The following ZMIZ1 variants were observed in gnomAD, a reference collection of about 807,000 sequenced individuals.
ZMIZ1 encodes zinc finger MIZ-type containing 1, also known as zinc finger MIZ domain-containing protein 1.
A neutral mutation model predicts 113.9 loss-of-function variants in ZMIZ1; 17 were observed. The ratio of observed to expected loss-of-function variants is 0.15; its 90% CI spans 0.10 to 0.22. The LOEUF (loss-of-function observed/expected upper bound fraction) is 0.22. Ranked by LOEUF, ZMIZ1 falls within the 10% of genes least tolerant of loss-of-function variation. The probability of loss-of-function intolerance (pLI) is 1.00; values close to 1 mark genes in which losing one functional copy is unlikely to be tolerated. For synonymous variants in ZMIZ1, 607 were observed against 603.1 expected, an observed-to-expected ratio of 1.01 and a Z score of -0.09; for missense variants, 1,059 against 1,477.8, an observed-to-expected ratio of 0.72 and a Z score of 4.65.
rs1481954614 is a variant in ZMIZ1, at chr10:79,145,175, C to T, written c.-131+5398C>T. On this transcript the variant is annotated intron_variant, in intron 3 of 24. Transcript: ENST00000334512. ...GTATCTTCCTTTCTTCTCTCTATTC[C>T]GCTCATGGCCTTGCCTCTCACTCTT... Among the ~76,000 whole-genome samples the T allele has an allele frequency of 2.0e-5, 3 of 151,954 alleles. No individual in the cohort carries two copies. In the East Asian group the frequency reaches 5.8e-4, roughly 29 times the overall value.
intron 24 of ZMIZ1, 135 bp downstream of exon 24, chr10:79,311,319 A>G (rs1370683241): frequency 3.7e-6 from 4 of 1,070,700 alleles, no homozygotes; most frequent in Non-Finnish European, 5.1e-6. Context: ...CTTCACCCAG[A>G]CCTGGCTCCA....
intron 1 of ZMIZ1, among the ~76,000 whole-genome samples, chr10:79,075,772 A>T (rs894508320): frequency 6.6e-6 from 1 of 152,242 alleles, no homozygotes; most frequent in Non-Finnish European, 1.5e-5. Context: ...GATTCAATGC[A>T]GATCAGGAAA....
chr10:79,221,640 C>T (rs148752377), intron 7 of ZMIZ1, among the ~76,000 whole-genome samples: 99 of 152,270 alleles, frequency 6.5e-4, no homozygotes, highest in African/African-American at 2.3e-3. Context: ...CTGCTGGCAA[C>T]GTGGGCACCA....
intron 3 of ZMIZ1, among the ~76,000 whole-genome samples, chr10:79,148,647 G>T (rs1845588641): frequency 8.2e-6 from 1 of 122,618 alleles, no homozygotes; most frequent in African/African-American, 3.6e-5. Flanking sequence ...CTGGGCCGGG[G>T]TTTTTAATAA....
chr10:79,093,293 ATTTAT>A (rs1322506688), intron 1 of ZMIZ1, among the ~76,000 whole-genome samples: 12 of 3,886 alleles, frequency 3.1e-3, no homozygotes, highest in Non-Finnish European at 7.9e-3. Flanking sequence ...GTTTTATTTT[ATTTAT>A]TTATTTATTT....
intron 5 of ZMIZ1, among the ~76,000 whole-genome samples, chr10:79,202,855 C>T (rs929132622): frequency 1.3e-5 from 2 of 152,222 alleles, no homozygotes; most frequent in Non-Finnish European, 2.9e-5. Flanking sequence ...ACGCCTTGGA[C>T]CCAAGTGCTC....
At chr10:79,178,463 C>A (rs1200402709) in intron 4 of ZMIZ1, among the ~76,000 whole-genome samples, 1 of 152,236 alleles carries the variant, frequency 6.6e-6, no homozygotes, top group African/African-American at 2.4e-5. Flanking sequence ...ATCCAGCTCT[C>A]CTCCTCCCTG....
At chr10:79,193,306 A>C (rs777540935) in intron 4 of ZMIZ1, among the ~76,000 whole-genome samples, 26 of 152,248 alleles carry the variant, frequency 1.7e-4, no homozygotes, top group Non-Finnish European at 3.2e-4. Flanking sequence ...TGAACTCATC[A>C]GTCCAAAAAC....
intron 2 of ZMIZ1, among the ~76,000 whole-genome samples, chr10:79,123,395 G>A (rs1176998326): frequency 1.3e-5 from 2 of 152,176 alleles, no homozygotes; most frequent in Non-Finnish European, 2.9e-5. Flanking sequence ...CTAGTTGGGA[G>A]GGATTCAACG....
chr10:79,113,059 T>C (rs1176341344), intron 1 of ZMIZ1, among the ~76,000 whole-genome samples: 1 of 152,220 alleles, frequency 6.6e-6, no homozygotes, highest in African/African-American at 2.4e-5. Context: ...CATGCAGAGC[T>C]TGCCCTGTGT....
intron 3 of ZMIZ1, among the ~76,000 whole-genome samples, chr10:79,148,232 C>T (rs529925897): frequency 2.8e-4 from 42 of 152,346 alleles, no homozygotes; most frequent in African/African-American, 7.9e-4. Context: ...TGATCACGGC[C>T]GAACTGGAAT....
At chr10:79,117,270 C>A (rs1385154373) in intron 1 of ZMIZ1, among the ~76,000 whole-genome samples, 1 of 152,280 alleles carries the variant, frequency 6.6e-6, no homozygotes, top group African/African-American at 2.4e-5. Context: ...AGGTGGAGAA[C>A]AGACTCCGCC....
intron 7 of ZMIZ1, among the ~76,000 whole-genome samples, chr10:79,239,344 T>C (rs895644587): frequency 2.6e-5 from 4 of 152,182 alleles, no homozygotes; most frequent in African/African-American, 9.6e-5. Flanking sequence ...CACTCCCACG[T>C]GTCCTGAGAA....
intron 1 of ZMIZ1, among the ~76,000 whole-genome samples, chr10:79,108,596 T>A (rs1402031597): frequency 1.3e-5 from 2 of 151,886 alleles, no homozygotes; most frequent in Non-Finnish European, 2.9e-5. Context: ...GGGGGCCTGA[T>A]TGGGGTAAGG....
Position 79,296,805 on chromosome 10 carries a change from C to A in ZMIZ1, c.1413+152C>A. ...TCTGAACGTCCCCATGTGTTCAGGGCGAAGTTCGGTGGCCAGAATGTCAGA... is the reference window on the plus strand; with the variant it reads ...TCTGAACGTCCCCATGTGTTCAGGGAGAAGTTCGGTGGCCAGAATGTCAGA... On this transcript the variant is annotated intron_variant, in intron 13 of 24. Coordinates refer to ENST00000334512, the MANE Select transcript of ZMIZ1 (RefSeq NM_020338.4). The surrounding 1 kb of genome is among the most constrained non-coding windows in gnomAD (Gnocchi z 4.1). The A allele has an allele frequency of 1.6e-6, 1 of 627,132 alleles. No individual in the cohort carries two copies. Among genetic ancestry groups the A allele is most frequent in the Non-Finnish European group, 2.5e-6 (1 of 407,980 alleles). The allele number at this position is 627,132 out of a possible 1,614,324, so 38.8% of individuals were successfully genotyped here.
In ZMIZ1 at chr10:79,243,609, C is replaced by T. The variant is rs532050381; in HGVS notation, c.280+27335C>T. The T allele has an allele frequency of 5.3e-3, 829 of 157,690 alleles. 12 individuals are homozygous for T. Among genetic ancestry groups the T allele is most frequent in the South Asian group, 0.021 (163 of 7,876 alleles). The allele number at this position is 157,690 out of a possible 1,614,324, so 9.8% of individuals were successfully genotyped here. ...GCGGAGCGGGGATGCAGGCGGCGCC[C>T]GCTGCCTGCGCGCAGCCTTTGTTCG... On this transcript the variant is annotated intron_variant, in intron 7 of 24. Coordinates refer to ENST00000334512, the MANE Select transcript of ZMIZ1 (RefSeq NM_020338.4).
At chr10:79,199,944 C>T (rs1424556001) in intron 4 of ZMIZ1, among the ~76,000 whole-genome samples, 3 of 152,214 alleles carry the variant, frequency 2.0e-5, no homozygotes, top group Non-Finnish European at 4.4e-5. Context: ...GTGTAGAAGG[C>T]AGACAGGCAG....
intron 7 of ZMIZ1, among the ~76,000 whole-genome samples, chr10:79,230,761 G>T (rs547950309): frequency 6.6e-6 from 1 of 152,244 alleles, no homozygotes; most frequent in African/African-American, 2.4e-5. Context: ...GTGTGGAAGC[G>T]CGAGGATGTG....
chr10:79,253,027 GAC>G (rs1205324045), intron 7 of ZMIZ1, among the ~76,000 whole-genome samples: 1 of 152,136 alleles, frequency 6.6e-6, no homozygotes, highest in Non-Finnish European at 1.5e-5. Flanking sequence ...GGTGAAAAAA[GAC>G]ACATCCCCTC....
Sources: gnomAD v4.1 joint callset for allele counts (sites outside exome capture counted in the v4.1 genomes callset) on GRCh38, gnomAD v4.1.1 for gene constraint, Gnocchi (gnomAD v3.1) non-coding constraint, MANE v1.5 for transcripts, NCBI Gene and HGNC (gene_info 2026-07-23, HGNC 2026-07-21) for gene names.